The following ZNF721 variants were observed in gnomAD, a reference collection of about 807,000 sequenced individuals.
The protein encoded by ZNF721 is zinc finger protein 721.
A neutral mutation model predicts 2.4 loss-of-function variants in ZNF721; 2 were observed. The ratio of observed to expected loss-of-function variants is 0.82; its 90% confidence interval spans 0.34 to 2.58. The LOEUF (loss-of-function observed/expected upper bound fraction) is 2.58. ZNF721 is among the 30% of genes most tolerant of loss of function. The pLI, the probability that ZNF721 is intolerant of heterozygous loss-of-function variation, is 0.11. For synonymous variants in ZNF721, 398 were observed against 381.8 expected (o/e 1.04, Z -0.50); for missense variants, 1,187 against 1,085.5 (o/e 1.09, Z -1.31).
Position 442,734 on chromosome 4 carries a change from A to T in ZNF721, c.1733T>A (p.Ile578Asn), listed in dbSNP as rs200550173. The T allele has an allele frequency of 3.1e-6, 5 of 1,614,214 alleles. No homozygotes were observed. The African/African-American group carries it at 6.7e-5, about 22-fold the overall frequency. ...QSANLYVHRR[I>N]HTGEKPYKCE... ...TTTGTAAGGTTTCTCTCCAGTATGA[A>T]TTCTCCTATGTACATAAAGGTTTGC... is the stretch of plus-strand genomic sequence containing the variant. The change falls in exon 3 of 3, where the codon ATT becomes AAT. Residue 578 changes from isoleucine to asparagine, a missense_variant. Transcript: ENST00000511833.
chr4:489,011 T>G (rs1204692515), intron 1 of ZNF721, among the ~76,000 whole-genome samples: 1 of 152,100 alleles, frequency 6.6e-6, no homozygotes, highest in Non-Finnish European at 1.5e-5. Flanking sequence ...CTTCCTCTTA[T>G]GCCAGGATAT....
At chr4:461,523 TC>T (rs1715070126) in intron 2 of ZNF721, among the ~76,000 whole-genome samples, 1 of 152,178 alleles carries the variant, frequency 6.6e-6, no homozygotes, top group African/African-American at 2.4e-5. Context: ...CTGGAAGCAT[TC>T]CCTTTGAAAA....
chr4:486,733 T>C (rs1210359669), intron 1 of ZNF721, among the ~76,000 whole-genome samples: 23 of 152,236 alleles, frequency 1.5e-4, no homozygotes, highest in Non-Finnish European at 2.8e-4. Flanking sequence ...CAGTGCATTA[T>C]AGGTGTTTTC....
chr4:449,866 A>G (rs187056095), intron 2 of ZNF721, among the ~76,000 whole-genome samples: 53 of 152,334 alleles, frequency 3.5e-4, no homozygotes, highest in African/African-American at 1.2e-3. Flanking sequence ...ACTTCACTCC[A>G]ATTAGAATGA....
chr4:482,770 C>A (rs1553869737), intron 1 of ZNF721, among the ~76,000 whole-genome samples: 1 of 152,148 alleles, frequency 6.6e-6, no homozygotes, highest in East Asian at 1.9e-4. Flanking sequence ...GCTGGGATTA[C>A]AGGTGTGAGC....
At chr4:466,213 A>C (rs1051216691) in intron 2 of ZNF721, among the ~76,000 whole-genome samples, 1 of 54,514 alleles carries the variant, frequency 1.8e-5, no homozygotes, top group Non-Finnish European at 3.7e-5. Flanking sequence ...AAAAGGAATT[A>C]AGACACTCTA....
At chr4:473,960 C>T in intron 1 of ZNF721, 1 of 1,505,274 alleles carries the variant, frequency 6.6e-7, no homozygotes, top group Non-Finnish European at 9.0e-7. Flanking sequence ...AGCCTTGGGA[C>T]GCCCTGCCCC....
chr4:455,552 C>T (rs2108698200), intron 2 of ZNF721, among the ~76,000 whole-genome samples: 1 of 151,844 alleles, frequency 6.6e-6, no homozygotes, highest in South Asian at 2.1e-4. Flanking sequence ...GGCAACAGAG[C>T]AAGACTCCAT....
chr4:462,764 A>G (rs1460063674), intron 2 of ZNF721, among the ~76,000 whole-genome samples: 2 of 152,228 alleles, frequency 1.3e-5, no homozygotes, highest in Admixed American at 1.3e-4. Flanking sequence ...AAGATGGATT[A>G]AAGACGTAAA....
intron 2 of ZNF721, among the ~76,000 whole-genome samples, chr4:455,294 G>A (rs1714811298): frequency 6.6e-6 from 1 of 152,154 alleles, no homozygotes; most frequent in African/African-American, 2.4e-5. Flanking sequence ...GAGGCCAGTT[G>A]TCCTGGCTCA....
At chr4:458,065 C>G (rs1418951198) in intron 2 of ZNF721, among the ~76,000 whole-genome samples, 1 of 152,234 alleles carries the variant, frequency 6.6e-6, no homozygotes, top group Non-Finnish European at 1.5e-5. Flanking sequence ...CATTTAGGAA[C>G]CTGTCCAATG....
intron 1 of ZNF721, among the ~76,000 whole-genome samples, chr4:476,048 C>T (rs1715616434): frequency 6.6e-6 from 1 of 152,010 alleles, no homozygotes; most frequent in Non-Finnish European, 1.5e-5. Flanking sequence ...AAATGAGATT[C>T]TCTGGGCCCT....
chr4:482,716 C>T (rs1474392749), intron 1 of ZNF721, among the ~76,000 whole-genome samples: 1 of 150,420 alleles, frequency 6.6e-6, no homozygotes, highest in African/African-American at 2.5e-5. Context: ...AGGCTGGTCT[C>T]GATCTCTTGA....
intron 2 of ZNF721, among the ~76,000 whole-genome samples, chr4:468,399 C>T (rs555646274): frequency 6.6e-6 from 1 of 151,738 alleles, no homozygotes; most frequent in African/African-American, 2.4e-5. Flanking sequence ...CACTACACTC[C>T]AGCCTGGGCG....
At chr4:469,526 C>T (rs147869276) in intron 2 of ZNF721, among the ~76,000 whole-genome samples, 46 of 152,186 alleles carry the variant, frequency 3.0e-4, no homozygotes, top group Non-Finnish European at 4.9e-4. Context: ...GATTCAAACG[C>T]GATCCCTATC....
intron 1 of ZNF721, among the ~76,000 whole-genome samples, chr4:495,104 G>A (rs1215269187): frequency 6.6e-6 from 1 of 151,754 alleles, no homozygotes; most frequent in African/African-American, 2.4e-5. Context: ...AGATGGTCTC[G>A]ATCTCCTGAC....
intron 2 of ZNF721, among the ~76,000 whole-genome samples, chr4:461,340 C>G (rs1480746121): frequency 6.6e-6 from 1 of 152,086 alleles, no homozygotes; most frequent in African/African-American, 2.4e-5. Context: ...TAAACAGAAC[C>G]GATGACAAAA....
chr4:451,015 A>G (rs139215489), intron 2 of ZNF721, among the ~76,000 whole-genome samples: 1,876 of 145,118 alleles, frequency 0.013, 52 homozygotes, highest in African/African-American at 0.045. Flanking sequence ...TATTCAAGGC[A>G]GGGCTTTAAA....
At chr4:494,442 T>C (rs1716099794) in intron 1 of ZNF721, among the ~76,000 whole-genome samples, 1 of 152,008 alleles carries the variant, frequency 6.6e-6, no homozygotes. Context: ...CACCTCGGCC[T>C]CCCAAAATGC....
Sources: allele counts gnomAD v4.1 joint callset (sites outside exome capture counted in the v4.1 genomes callset), GRCh38; gene constraint gnomAD v4.1.1; transcripts MANE v1.5; gene names NCBI Gene and HGNC (gene_info 2026-07-23, HGNC 2026-07-21).